The following TMEM154 variants were observed in gnomAD, a reference collection of about 807,000 sequenced individuals.
TMEM154 encodes transmembrane protein 154.
In TMEM154, 27 loss-of-function variants were observed where a neutral mutation model predicts 24.5. The ratio of observed to expected loss-of-function variants is 1.10; its 90% confidence interval spans 0.81 to 1.52. The LOEUF (loss-of-function observed/expected upper bound fraction) is 1.52. Ranked by LOEUF, TMEM154 falls within the 40% of genes most tolerant of loss-of-function variation. The pLI is 0.00. For missense variants in TMEM154, 228 were observed against 213.4 expected, an observed-to-expected ratio of 1.07 and a Z score of -0.43; for synonymous variants, 67 against 76.8, an observed-to-expected ratio of 0.87 and a Z score of 0.67.
rs1429790705 is a variant in TMEM154 at position 152,619,034 on chromosome 4, T to G, written c.*9512A>C. 2 of 152,204 alleles carry G rather than the reference T, an allele frequency of 1.3e-5. No homozygotes were observed. The highest frequency in any genetic ancestry group is 2.9e-5 in the Non-Finnish European group (2 of 68,040). The allele number at this position is 152,204 out of a possible 1,614,324, so 9.4% of individuals were successfully genotyped here. ...ATTAAATAATTGGTTTTTCTGTTATTATGGAGCGTGCAGTAGCGCCAAGCA... is the reference window on the plus strand; with the variant it reads ...ATTAAATAATTGGTTTTTCTGTTATGATGGAGCGTGCAGTAGCGCCAAGCA... On this transcript the variant is annotated 3_prime_UTR_variant, in exon 7 of 7. Coordinates refer to ENST00000304385, the MANE Select transcript of TMEM154 (RefSeq NM_152680.3).
chr4:152,630,350 A>G (rs1752014118), intron 6 of TMEM154, among the ~76,000 whole-genome samples: 1 of 151,084 alleles, frequency 6.6e-6, no homozygotes, highest in Non-Finnish European at 1.5e-5. Context: ...ATCAAAACGT[A>G]TTTCAAATGA....
rs551729033 is a variant in TMEM154 at position 152,659,890 on chromosome 4, C to T, written c.65-6963G>A. On this transcript the variant is annotated intron_variant, in intron 1 of 6. Transcript: ENST00000304385. ...ATGAATAACTAGTAATAAAATAGAA[C>T]AATTACAACAATATACTATAATAAA... is the stretch of plus-strand genomic sequence containing the variant. 5.3e-5 allele frequency among the ~76,000 whole-genome samples: 8 copies of T among 152,196 alleles called. No individual in the cohort carries two copies. The South Asian group carries it at 1.2e-3, about 24-fold the overall frequency.
intron 4 of TMEM154, among the ~76,000 whole-genome samples, chr4:152,643,703 A>C (rs1450613396): frequency 1.3e-5 from 2 of 152,136 alleles, no homozygotes; most frequent in Non-Finnish European, 2.9e-5. Flanking sequence ...GCAGAAGCTC[A>C]AAGTGCACAG....
chr4:152,669,123 T>G (rs941748645), intron 1 of TMEM154: 1 of 152,252 alleles, frequency 6.6e-6, no homozygotes, highest in Admixed American at 6.5e-5. Context: ...GTTTTTAACG[T>G]GATTACATTC....
At chr4:152,643,924 C>T (rs1345062352) in intron 4 of TMEM154, among the ~76,000 whole-genome samples, 2 of 151,860 alleles carry the variant, frequency 1.3e-5, no homozygotes, top group African/African-American at 4.8e-5. Context: ...TCCTTCCCTC[C>T]CTCCTCTCCC....
chr4:152,642,639 TTTAA>T (rs1285980979), intron 5 of TMEM154, among the ~76,000 whole-genome samples: 1 of 152,194 alleles, frequency 6.6e-6, no homozygotes, highest in Non-Finnish European at 1.5e-5. Context: ...TAATTTTAAT[TTTAA>T]TTAATTTAAA....
intron 4 of TMEM154, among the ~76,000 whole-genome samples, chr4:152,643,706 G>A (rs1050598735): frequency 6.6e-6 from 1 of 152,216 alleles, no homozygotes; most frequent in African/African-American, 2.4e-5. Flanking sequence ...GAAGCTCAAA[G>A]TGCACAGTCA....
At chr4:152,647,122 C>G (rs1486546940) in intron 3 of TMEM154, 1 of 1,443,758 alleles carries the variant, frequency 6.9e-7, no homozygotes, top group Non-Finnish European at 9.3e-7. Flanking sequence ...TTGGCCAAGT[C>G]CTCTCCCATT....
At chr4:152,642,376 ATAAT>A (rs1013768632) in intron 5 of TMEM154, among the ~76,000 whole-genome samples, 2 of 152,190 alleles carry the variant, frequency 1.3e-5, no homozygotes, top group African/African-American at 4.8e-5. Context: ...AGTAGTAAAA[ATAAT>A]TAATTTTTAA....
intron 3 of TMEM154, among the ~76,000 whole-genome samples, chr4:152,647,827 CTA>C (rs1728293019): frequency 6.6e-6 from 1 of 152,116 alleles, no homozygotes; most frequent in Non-Finnish European, 1.5e-5. Flanking sequence ...TCTCACAACT[CTA>C]TGAGGTGGGT....
At chr4:152,629,500 C>T (rs1751991602) in intron 6 of TMEM154, among the ~76,000 whole-genome samples, 1 of 152,220 alleles carries the variant, frequency 6.6e-6, no homozygotes, top group Non-Finnish European at 1.5e-5. Context: ...CCTGGCTCCA[C>T]ACCTTTTTCC....
intron 1 of TMEM154, among the ~76,000 whole-genome samples, chr4:152,663,654 G>A (rs970137009): frequency 6.6e-6 from 1 of 152,182 alleles, no homozygotes; most frequent in African/African-American, 2.4e-5. Flanking sequence ...GTCTCTCTCC[G>A]TTTCACCAGT....
chr4:152,619,266 T>A lies in TMEM154; in HGVS notation c.*9280A>T, dbSNP rs1751809661. 2 of 152,052 alleles carry A rather than the reference T, an allele frequency of 1.3e-5. No homozygotes were observed. Among genetic ancestry groups the A allele is most frequent in the South Asian group, 2.1e-4 (1 of 4,810 alleles). The allele number at this position is 152,052 out of a possible 1,614,324, so 9.4% of individuals were successfully genotyped here. Reference sequence around the variant, plus strand: ...CTACTACAGACTACTGGACCAGGGGTCTATGTCCAAGCCAAAGAGCACATA... The same window carrying A: ...CTACTACAGACTACTGGACCAGGGGACTATGTCCAAGCCAAAGAGCACATA... On this transcript the variant is annotated 3_prime_UTR_variant, in exon 7 of 7. Coordinates refer to ENST00000304385, the MANE Select transcript of TMEM154 (RefSeq NM_152680.3).
chr4:152,648,704 C>T (rs2149783110), intron 3 of TMEM154, among the ~76,000 whole-genome samples: 1 of 152,298 alleles, frequency 6.6e-6, no homozygotes, highest in East Asian at 1.9e-4. Flanking sequence ...CTGGCTCTCG[C>T]TTGTAAATGG....
At chr4:152,645,137 G>A (rs917028365) in intron 3 of TMEM154, among the ~76,000 whole-genome samples, 1 of 149,432 alleles carries the variant, frequency 6.7e-6, no homozygotes, top group Non-Finnish European at 1.5e-5. Flanking sequence ...TTTTTTTTCT[G>A]TCTGTCTCTC....
chr4:152,675,070 C>G (rs987088042), intron 1 of TMEM154, among the ~76,000 whole-genome samples: 1 of 144,006 alleles, frequency 6.9e-6, no homozygotes, highest in African/African-American at 2.5e-5. Flanking sequence ...GCAGGAGAAT[C>G]GGCTTGAACC....
chr4:152,643,054 G>A (rs1220217521), intron 5 of TMEM154, 34 bp downstream of exon 5: 2 of 1,520,378 alleles, frequency 1.3e-6, no homozygotes, highest in East Asian at 2.3e-5. Context: ...TACTAGAGAG[G>A]AAAGAAAAAA....
chr4:152,664,561 T>C (rs1017756165), intron 1 of TMEM154, among the ~76,000 whole-genome samples: 2 of 152,196 alleles, frequency 1.3e-5, no homozygotes, highest in African/African-American at 2.4e-5. Context: ...CACAAAAATA[T>C]GTTATAAAAC....
chr4:152,643,608 A>T (rs1752299219), intron 4 of TMEM154, among the ~76,000 whole-genome samples: 1 of 152,218 alleles, frequency 6.6e-6, no homozygotes, highest in Non-Finnish European at 1.5e-5. Context: ...AACAGGCTAC[A>T]GTTATCACCT....
Sources: allele counts gnomAD v4.1 joint callset (sites outside exome capture counted in the v4.1 genomes callset), GRCh38; gene constraint gnomAD v4.1.1; transcripts MANE v1.5; gene names NCBI Gene and HGNC (gene_info 2026-07-23, HGNC 2026-07-21).